CASR: variants seen among roughly 807,000 people sequenced by gnomAD.
CASR encodes calcium sensing receptor, also known as extracellular calcium-sensing receptor.
CASR carries 23 observed loss-of-function variants against 69.1 expected under a neutral mutation model. That is an observed-to-expected ratio of 0.33 (90% confidence interval 0.24 to 0.47). The LOEUF (loss-of-function observed/expected upper bound fraction) is 0.47. Among genes scored for constraint, CASR ranks in the 20% least tolerant of loss-of-function variants. The pLI is 1.00. For missense variants in CASR, 924 were observed against 1,356.1 expected (o/e 0.68, Z 5.00); for synonymous variants, 541 against 544.7 (o/e 0.99, Z 0.10).
intron 4 of CASR, among the ~76,000 whole-genome samples, chr3:122,267,790 A>T (rs2074711198): frequency 6.6e-6 from 1 of 152,192 alleles, no homozygotes; most frequent in Admixed American, 6.5e-5. Context: ...TGATAAAAAA[A>T]ATAACGGAAA....
At chr3:122,274,947 C>A (rs2074798195) in intron 4 of CASR, among the ~76,000 whole-genome samples, 1 of 152,280 alleles carries the variant, frequency 6.6e-6, no homozygotes, top group East Asian at 1.9e-4. Context: ...GAAGCAGAGC[C>A]AGGAGCCCAG....
At chr3:122,238,384 G>A (rs1485839773) in intron 1 of CASR, among the ~76,000 whole-genome samples, 1 of 152,170 alleles carries the variant, frequency 6.6e-6, no homozygotes, top group Non-Finnish European at 1.5e-5. Context: ...CTAGCAAGAG[G>A]GGAATCACCC....
At chr3:122,206,888 C>A (rs2074012525) in intron 1 of CASR, among the ~76,000 whole-genome samples, 1 of 151,896 alleles carries the variant, frequency 6.6e-6, no homozygotes, top group South Asian at 2.1e-4. Context: ...TCTAATGATT[C>A]TTTGTAATTC....
intron 1 of CASR, among the ~76,000 whole-genome samples, chr3:122,209,945 A>G (rs142797008): frequency 3.2e-3 from 481 of 152,352 alleles, no homozygotes; most frequent in Non-Finnish European, 5.1e-3. Flanking sequence ...ACACAAATAA[A>G]TCAATGTAAT....
At chr3:122,199,628 T>A (rs2073922762) in intron 1 of CASR, among the ~76,000 whole-genome samples, 1 of 152,142 alleles carries the variant, frequency 6.6e-6, no homozygotes, top group African/African-American at 2.4e-5. Context: ...AATCCTTAGT[T>A]TTGCAGAATG....
chr3:122,263,492 C>T (rs190533849), intron 4 of CASR, among the ~76,000 whole-genome samples: 1 of 152,346 alleles, frequency 6.6e-6, no homozygotes, highest in East Asian at 1.9e-4. Context: ...TTCAGTACAG[C>T]TCTAATTAAT....
chr3:122,187,535 G>A (rs965128807), intron 1 of CASR, among the ~76,000 whole-genome samples: 2 of 152,176 alleles, frequency 1.3e-5, no homozygotes, highest in African/African-American at 4.8e-5. Flanking sequence ...TCCATGTGCA[G>A]GTAGTATTGT....
Position 122,285,269 on chromosome 3 carries a change from T to G in CASR, c.*78T>G. 1.5e-6 allele frequency: 2 copies of G among 1,312,574 alleles called. No homozygotes were observed. The highest frequency in any genetic ancestry group is 2.2e-6 in the Non-Finnish European group (2 of 910,502). 81.3% of individuals were successfully genotyped at this position (1,312,574 alleles called of 1,614,324 possible). On this transcript the variant is annotated 3_prime_UTR_variant, in exon 7 of 7. Transcript: ENST00000639785. ...CCAGGGAAGAGGAATCGCCCCAGAC[T>G]CCTTTCCTCTGAGGAAGAAGGGATA... is the stretch of plus-strand genomic sequence containing the variant.
chr3:122,235,910 G>T (rs747341906), intron 1 of CASR, among the ~76,000 whole-genome samples: 1 of 152,234 alleles, frequency 6.6e-6, no homozygotes, highest in Non-Finnish European at 1.5e-5. Context: ...AGACGGTCTA[G>T]CAATGGCTTT....
At chr3:122,236,459 C>G (rs981647581) in intron 1 of CASR, among the ~76,000 whole-genome samples, 1 of 152,044 alleles carries the variant, frequency 6.6e-6, no homozygotes, top group African/African-American at 2.4e-5. Flanking sequence ...AAAATGGGAA[C>G]AAAATTCATA....
chr3:122,263,757 T>G (rs778513263), intron 4 of CASR, among the ~76,000 whole-genome samples: 1 of 152,180 alleles, frequency 6.6e-6, no homozygotes, highest in Non-Finnish European at 1.5e-5. Flanking sequence ...TTCTGTGGGG[T>G]ACTCAGAGCT....
At position 122,257,372 on chromosome 3, in the gene CASR, C is replaced by T; in HGVS notation, c.477C>T (p.Leu159=). The T allele has an allele frequency of 6.2e-7, 1 of 1,613,588 alleles. No individual in the cohort carries two copies. Among genetic ancestry groups the T allele is most frequent in the Non-Finnish European group, 8.5e-7 (1 of 1,179,652 alleles). The change falls in exon 3 of 7, where the codon CTC becomes CTT. Residue 159 remains leucine (L), a synonymous_variant. Transcript: ENST00000639785. ...VSTAVANLLG[L]FYIPQVSYAS... ...CGGCAGTGGCAAATCTGCTGGGGCT[C>T]TTCTACATTCCCCAGGTACTCAAGC...
At chr3:122,256,955 C>T in intron 2 of CASR, 126 bp from the exon 3 acceptor site, 3 of 815,436 alleles carry the variant, frequency 3.7e-6, no homozygotes, top group Non-Finnish European at 6.2e-6. Context: ...GGGCTCTGTA[C>T]AGAGCATGCC....
At chr3:122,238,353 G>A (rs150751656) in intron 1 of CASR, among the ~76,000 whole-genome samples, 4 of 152,318 alleles carry the variant, frequency 2.6e-5, no homozygotes, top group South Asian at 2.1e-4. Flanking sequence ...CGCTGAGGAG[G>A]AGGGAGCATT....
chr3:122,207,935 G>A (rs1313513037), intron 1 of CASR, among the ~76,000 whole-genome samples: 1 of 152,128 alleles, frequency 6.6e-6, no homozygotes, highest in African/African-American at 2.4e-5. Context: ...GTTACTGAGA[G>A]TGGGTGTGAA....
At chr3:122,247,250 T>A (rs1179275369) in intron 1 of CASR, 2 of 152,216 alleles carry the variant, frequency 1.3e-5, no homozygotes, top group African/African-American at 4.8e-5. Flanking sequence ...GAGGCATATG[T>A]GCTCCTGTGG....
intron 1 of CASR, among the ~76,000 whole-genome samples, chr3:122,233,378 G>C (rs2074298191): frequency 6.6e-6 from 1 of 152,198 alleles, no homozygotes. Flanking sequence ...TGTCTCACCA[G>C]TTCCAGCCCA....
rs1324090752 is a variant in CASR, at chr3:122,252,400, A to AAGGAAGGAAGGT, written c.-242-1539_-242-1538insGGTAGGAAGGAA. ...GAAGGAAGGAAGGAAGGAAGGAAGG[A>AAGGAAGGAAGGT]AGGAAGGAAAAAGAAAGAAAGAAAG... On this transcript the variant is annotated intron_variant, in intron 1 of 6. Transcript: ENST00000639785. Among the ~76,000 whole-genome samples, 141 of 51,252 alleles carry AAGGAAGGAAGGT rather than the reference A, an allele frequency of 2.8e-3. 13 individuals carry two copies. The highest frequency in any genetic ancestry group is 4.3e-3 in the African/African-American group (46 of 10,822). The allele number at this position is 51,252 out of a possible 152,430, so 33.6% of individuals were successfully genotyped here. A position where few individuals can be genotyped will look rare whatever the true frequency, so the allele number is the denominator to read the frequency against.
At chr3:122,207,916 G>C (rs941460115) in intron 1 of CASR, among the ~76,000 whole-genome samples, 1 of 152,106 alleles carries the variant, frequency 6.6e-6, no homozygotes, top group Non-Finnish European at 1.5e-5. Context: ...CTCTGTGAAT[G>C]ATTGGTCCGT....
Sources: gnomAD v4.1 joint callset for allele counts (sites outside exome capture counted in the v4.1 genomes callset) on GRCh38, gnomAD v4.1.1 for gene constraint, MANE v1.5 for transcripts, NCBI Gene and HGNC (gene_info 2026-07-23, HGNC 2026-07-21) for gene names.